The following ZNF714 variants were observed in gnomAD, a reference collection of about 807,000 sequenced individuals.
ZNF714 encodes zinc finger protein 714.
In ZNF714, 32 loss-of-function variants were observed where a neutral mutation model predicts 46.2. The observed-to-expected ratio is 0.69, with a 90% CI of 0.52 to 0.93. The LOEUF (loss-of-function observed/expected upper bound fraction) is 0.93, where lower values mean the gene tolerates loss of function less well. ZNF714 is among the 40% of genes least tolerant of loss of function. ZNF714 has a pLI of 0.00. For synonymous variants in ZNF714, 199 were observed against 213.1 expected (o/e 0.93, Z 0.58); for missense variants, 635 against 646.3 (o/e 0.98, Z 0.19).
chr19:21,085,673 G>A (rs1005239540), intron 2 of ZNF714, among the ~76,000 whole-genome samples: 1 of 146,628 alleles, frequency 6.8e-6, no homozygotes, highest in Non-Finnish European at 1.5e-5. Context: ...TATTTATGGG[G>A]GATGCTCCCC....
chr19:21,106,568 C>CA (rs34970745), intron 4 of ZNF714, among the ~76,000 whole-genome samples: 34,756 of 87,730 alleles, frequency 0.4, 5,582 homozygotes, highest in East Asian at 0.55. Flanking sequence ...GACTCCGTCT[C>CA]AAAAAAAAAA....
rs1969688484 is a variant in ZNF714, at chr19:21,120,590, A to C, written c.*2258A>C. The C allele has an allele frequency of 6.6e-6, 1 of 152,106 alleles. No homozygotes were observed. The allele number at this position is 152,106 out of a possible 1,614,324, so 9.4% of individuals were successfully genotyped here. A position where few individuals can be genotyped will look rare whatever the true frequency, so the allele number is the denominator to read the frequency against. The stretch of plus-strand genomic sequence containing the variant: ...TATATAAGATGCAGTACATTTTTAA[A>C]ATTTTAGATTGTGTGAAGTTAATAG... On this transcript the variant is annotated 3_prime_UTR_variant, in exon 5 of 5. Coordinates refer to ENST00000456283, the MANE Select transcript of ZNF714 (RefSeq NM_182515.4).
chr19:21,117,184 C>T lies in ZNF714; in HGVS notation c.520C>T (p.Gln174Ter). The change falls in exon 5 of 5, where the codon CAA (glutamine) becomes TAA (stop). Residue 174 changes from glutamine (Q) to a stop codon, truncating the protein, a stop_gained. Transcript: ENST00000456283. LOFTEE classifies it high-confidence loss of function. ...KRIHIRENSY[Q>*]CEECDKVFKR... ...AATTCATATTAGAGAGAATTCTTAC[C>T]AATGTGAAGAATGTGACAAAGTGTT... is the stretch of plus-strand genomic sequence containing the variant. The T allele has an allele frequency of 6.2e-7, 1 of 1,613,966 alleles. No homozygotes were observed. The highest frequency in any genetic ancestry group is 1.1e-5 in the South Asian group (1 of 91,072).
chr19:21,092,970 T>C (rs1968951280), intron 2 of ZNF714, among the ~76,000 whole-genome samples: 1 of 137,450 alleles, frequency 7.3e-6, no homozygotes, highest in Non-Finnish European at 1.5e-5. Context: ...AGTGCAGTGG[T>C]GCGATCTCGG....
Position 21,117,571 on chromosome 19 carries a change from CATAAG to C in ZNF714, c.912_916del (p.Lys304AsnfsTer11). 6.2e-7 allele frequency: 1 copy of C among 1,606,844 alleles called. No individual in the cohort carries two copies. Among genetic ancestry groups the C allele is most frequent in the Non-Finnish European group, 8.5e-7 (1 of 1,176,020 alleles). On this transcript the variant is annotated frameshift_variant, in exon 5 of 5. Transcript: ENST00000456283. LOFTEE classifies it high-confidence loss of function. ...TAACCGATTCTCATACCTTACTAAACATAAGATAATTCATTCTGGAGAGAAATCTT... is the reference window on the plus strand; with the variant it reads ...TAACCGATTCTCATACCTTACTAAACATAATTCATTCTGGAGAGAAATCTT...
intron 4 of ZNF714, among the ~76,000 whole-genome samples, chr19:21,112,815 G>GTTTTTTTTTTTTTTTT (rs1314785181): frequency 4.8e-5 from 2 of 41,742 alleles, no homozygotes; most frequent in Non-Finnish European, 1.1e-4. Flanking sequence ...TTTTATTTCT[G>GTTTTTTTTTTTTTTTT]ATTTTTTTTT....
chr19:21,082,748 A>G (rs1328544001), intron 1 of ZNF714, among the ~76,000 whole-genome samples: 1 of 152,168 alleles, frequency 6.6e-6, no homozygotes, highest in Non-Finnish European at 1.5e-5. Flanking sequence ...AGTCACCGTT[A>G]AAACACTAAA....
chr19:21,119,703 A>G lies in ZNF714; in HGVS notation c.*1371A>G, dbSNP rs186899325. ...TGCAGTAAAAGTTAAAAAAAATTTA[A>G]TCCATAAGTAAGTCTGTGTAAATAT... On this transcript the variant is annotated 3_prime_UTR_variant, in exon 5 of 5. Coordinates refer to ENST00000456283, the MANE Select transcript of ZNF714 (RefSeq NM_182515.4). The G allele has an allele frequency of 6.6e-6, 1 of 152,372 alleles. No homozygotes were observed. Among genetic ancestry groups the G allele is most frequent in the Admixed American group, 6.5e-5 (1 of 15,308 alleles). The allele number at this position is 152,372 out of a possible 1,614,324, so 9.4% of individuals were successfully genotyped here.
chr19:21,089,497 C>A (rs1335732605), intron 2 of ZNF714, among the ~76,000 whole-genome samples: 1 of 152,166 alleles, frequency 6.6e-6, no homozygotes, highest in Admixed American at 6.5e-5. Context: ...GTAAAGCTCA[C>A]CCAAATACCA....
intron 2 of ZNF714, among the ~76,000 whole-genome samples, chr19:21,088,539 G>T (rs907866035): frequency 2.6e-5 from 4 of 152,068 alleles, no homozygotes; most frequent in African/African-American, 9.7e-5. Flanking sequence ...AGATCAAATG[G>T]TTTATATTTT....
chr19:21,087,178 C>A (rs1599526924), intron 2 of ZNF714, among the ~76,000 whole-genome samples: 1 of 129,728 alleles, frequency 7.7e-6, no homozygotes, highest in Admixed American at 8.6e-5. Flanking sequence ...AGAGGATCAA[C>A]ACAACTTGAT....
chr19:21,123,521 A>AT lies in ZNF714; in HGVS notation c.*5196dup, dbSNP rs561947935. ...AGGCGCCCGCTACCGCACCCGTCTA[A>AT]TTTTTTTGTATTTTTAGTAGAGACG... On this transcript the variant is annotated 3_prime_UTR_variant, in exon 5 of 5. Coordinates refer to ENST00000456283, the MANE Select transcript of ZNF714 (RefSeq NM_182515.4). Among the ~76,000 whole-genome samples, 43 of 151,686 alleles carry AT rather than the reference A, an allele frequency of 2.8e-4. 1 individual carries two copies. The highest frequency in any genetic ancestry group is 9.2e-4 in the African/African-American group (38 of 41,410).
chr19:21,121,633 T>C lies in ZNF714; in HGVS notation c.*3301T>C, dbSNP rs1969704583. The C allele has an allele frequency of 6.6e-6, 1 of 152,200 alleles. No homozygotes were observed. The highest frequency in any genetic ancestry group is 1.5e-5 in the Non-Finnish European group (1 of 68,026). 9.4% of individuals were successfully genotyped at this position (152,200 alleles called of 1,614,324 possible). On this transcript the variant is annotated 3_prime_UTR_variant, in exon 5 of 5. Coordinates refer to ENST00000456283, the MANE Select transcript of ZNF714 (RefSeq NM_182515.4). ...GTGTGTGTGTGTGAGTATGAGTTTGTACCTATTTTCAGAAAAGAACAATAT... is the reference window on the plus strand; with the variant it reads ...GTGTGTGTGTGTGAGTATGAGTTTGCACCTATTTTCAGAAAAGAACAATAT...
rs989914118 is a variant in ZNF714 at position 21,123,365 on chromosome 19, A to AT, written c.*5039dup. ...TTTTCTTTTTTTATTTTTACTTTTT[A>AT]TTTTTTAGAGACAGAGTCTTGCTCT... On this transcript the variant is annotated 3_prime_UTR_variant, in exon 5 of 5. Transcript: ENST00000456283. Among the ~76,000 whole-genome samples the AT allele has an allele frequency of 2.6e-5, 4 of 151,816 alleles. No individual in the cohort carries two copies. The highest frequency in any genetic ancestry group is 2.6e-4 in the Admixed American group (4 of 15,220).
chr19:21,083,224 C>G (rs1483353965), intron 1 of ZNF714, among the ~76,000 whole-genome samples: 1 of 152,024 alleles, frequency 6.6e-6, no homozygotes, highest in Admixed American at 6.6e-5. Flanking sequence ...TTAGTAGAGA[C>G]GGGTTTCTGC....
chr19:21,084,020 G>A lies in ZNF714; in HGVS notation c.-134G>A, dbSNP rs1282608724. ...AGTGTATCCTCTCAAGGGAGCAAGTGGATCCCTGGGGCAGAGAGGAAGCTT... is the reference window on the plus strand; with the variant it reads ...AGTGTATCCTCTCAAGGGAGCAAGTAGATCCCTGGGGCAGAGAGGAAGCTT... On this transcript the variant is annotated 5_prime_UTR_variant, in exon 2 of 5. Transcript: ENST00000456283. 4.0e-6 allele frequency: 5 copies of A among 1,254,606 alleles called. No homozygotes were observed. In the Admixed American group the frequency reaches 1.5e-4, roughly 38 times the overall value. The allele number at this position is 1,254,606 out of a possible 1,614,324, so 77.7% of individuals were successfully genotyped here.
rs140003541 is a variant in ZNF714 at position 21,117,481 on chromosome 19, A to G, written c.817A>G (p.Thr273Ala). The change falls in exon 5 of 5, where the codon ACT (threonine) becomes GCT (alanine). Residue 273 changes from threonine to alanine, a missense_variant. By Grantham distance (58) the Thr-to-Ala change is moderately conservative. Transcript: ENST00000456283. ...GKAFNHPSALTTHKFIHVKEK... is the reference protein window; with the variant it reads ...GKAFNHPSALATHKFIHVKEK... ...AGCTTTTAACCACCCTTCAGCCCTTACTACACATAAGTTCATTCATGTTAA... is the reference window on the plus strand; with the variant it reads ...AGCTTTTAACCACCCTTCAGCCCTTGCTACACATAAGTTCATTCATGTTAA... The G allele has an allele frequency of 0.014, 22,596 of 1,610,698 alleles. 223 individuals are homozygous for G. Among genetic ancestry groups the G allele is most frequent in the Non-Finnish European group, 0.017 (19,682 of 1,178,064 alleles).
rs756081992 is a variant in ZNF714, at chr19:21,098,863, AAG to A, written c.98_99del (p.Glu33AlafsTer8). ...CCGATCACCAGTCTAGAGCAAGAAA[AAG>A]AGCCCTGGAATATGAAGATATGTGA... On this transcript the variant is annotated frameshift_variant, in exon 4 of 5. Transcript: ENST00000456283. LOFTEE classifies it high-confidence loss of function. 6.2e-7 allele frequency: 1 copy of A among 1,612,350 alleles called. No individual in the cohort carries two copies. The highest frequency in any genetic ancestry group is 2.2e-5 in the East Asian group (1 of 44,842).
Position 21,118,234 on chromosome 19 carries a change from G to A in ZNF714, c.1570G>A (p.Ala524Thr), listed in dbSNP as rs199570046. 314 of 1,561,076 alleles carry A rather than the reference G, an allele frequency of 2.0e-4. 1 individual carries two copies. Among genetic ancestry groups the A allele is most frequent in the Admixed American group, 2.8e-4 (15 of 53,816 alleles). ...NTLRGLGEQI[A>T]RSGVQDQPGQ... Reference sequence around the variant, plus strand: ...TTTGAGAGGACTAGGTGAGCAGATCGCGAGGTCAGGAGTTCAAGACCAGCC... The same window carrying A: ...TTTGAGAGGACTAGGTGAGCAGATCACGAGGTCAGGAGTTCAAGACCAGCC... Residue 524 changes from alanine (A) to threonine (T), a missense_variant, in exon 5 of 5, where the codon GCG (alanine) becomes ACG (threonine). Coordinates refer to ENST00000456283, the MANE Select transcript of ZNF714 (RefSeq NM_182515.4).
Sources: allele counts gnomAD v4.1 joint callset (sites outside exome capture counted in the v4.1 genomes callset), GRCh38; gene constraint gnomAD v4.1.1; transcripts MANE v1.5; gene names NCBI Gene and HGNC (gene_info 2026-07-23, HGNC 2026-07-21).